The following MUSK variants were observed in gnomAD, a reference collection of about 807,000 sequenced individuals.
MUSK encodes the protein muscle, skeletal receptor tyrosine-protein kinase.
Under a neutral mutation model 88.7 loss-of-function variants are expected in MUSK, and 55 were observed. That is an observed-to-expected ratio of 0.62 (90% CI 0.50 to 0.78). The LOEUF is 0.78. Among genes scored for constraint, MUSK ranks in the 30% least tolerant of loss-of-function variants. The probability of loss-of-function intolerance (pLI) is 0.00; values close to 1 mark genes in which losing one functional copy is unlikely to be tolerated. For missense variants in MUSK, 1,015 were observed against 1,074.3 expected (o/e 0.94, Z 0.77); for synonymous variants, 387 against 391.9 (o/e 0.99, Z 0.15).
intron 3 of MUSK, among the ~76,000 whole-genome samples, chr9:110,689,953 T>A (rs1350215767): frequency 1.3e-5 from 1 of 77,984 alleles, no homozygotes; most frequent in Non-Finnish European, 2.3e-5. Flanking sequence ...TATTTAAATA[T>A]AAATATATAT....
At chr9:110,696,980 C>T (rs1397201045) in intron 4 of MUSK, among the ~76,000 whole-genome samples, 2 of 150,314 alleles carry the variant, frequency 1.3e-5, no homozygotes, top group East Asian at 1.9e-4. Flanking sequence ...AAAAGCAATG[C>T]TTTTAATCAG....
intron 6 of MUSK, among the ~76,000 whole-genome samples, chr9:110,737,838 C>T (rs1369951572): frequency 3.3e-5 from 5 of 152,034 alleles, no homozygotes; most frequent in African/African-American, 1.2e-4. Flanking sequence ...ATAGGGGGCC[C>T]TATTTTATCT....
intron 8 of MUSK, among the ~76,000 whole-genome samples, chr9:110,764,050 G>T (rs2077438911): frequency 6.6e-6 from 1 of 152,168 alleles, no homozygotes; most frequent in Non-Finnish European, 1.5e-5. Context: ...TTCTGAAAGA[G>T]AAGTCAACTG....
chr9:110,724,390 G>A (rs1282768398), intron 5 of MUSK, among the ~76,000 whole-genome samples: 1 of 151,796 alleles, frequency 6.6e-6, no homozygotes, highest in Non-Finnish European at 1.5e-5. Flanking sequence ...AATTTTGGGG[G>A]TTGCCCTCTA....
In MUSK at chr9:110,713,168, A is replaced by G. The variant is rs140752170; in HGVS notation, c.628+15702A>G. On this transcript the variant is annotated intron_variant, in intron 5 of 14. Transcript: ENST00000374448. Reference sequence around the variant, plus strand: ...GATTAGAGAGTTTGGGACAGTATCTATTAGTGGTGCTATAAAAACAGAATA... The same window carrying G: ...GATTAGAGAGTTTGGGACAGTATCTGTTAGTGGTGCTATAAAAACAGAATA... Among the ~76,000 whole-genome samples, 335 of 152,266 alleles carry G rather than the reference A, an allele frequency of 2.2e-3. 3 individuals are homozygous for G. Among genetic ancestry groups the G allele is most frequent in the African/African-American group, 7.6e-3 (315 of 41,554 alleles).
chr9:110,785,492 G>A (rs773623969), intron 12 of MUSK, 35 bp from the exon 13 acceptor site: 1 of 1,522,976 alleles, frequency 6.6e-7, no homozygotes, highest in South Asian at 1.4e-5. Context: ...ACCTGCTTCT[G>A]AGCTCATTCC....
In MUSK at chr9:110,785,623, G is replaced by A. The variant is rs192173278; in HGVS notation, c.1683G>A (p.Leu561=). The change falls in exon 13 of 15, where the codon CTG becomes CTA. Residue 561 remains leucine (L), a synonymous_variant. Transcript: ENST00000374448. ...TGTACCAGAGGATGCCGCTCCTTCT[G>A]AACCCCAAATTGCTCAGCCTGGAGT... ...NPMYQRMPLL[L]NPKLLSLEYP... is the part of the protein sequence containing the mutation. The A allele has an allele frequency of 8.2e-4, 1,318 of 1,613,300 alleles. No individual in the cohort carries two copies. Among genetic ancestry groups the A allele is most frequent in the Non-Finnish European group, 5.5e-4 (648 of 1,179,616 alleles).
intron 7 of MUSK, among the ~76,000 whole-genome samples, chr9:110,758,574 A>G (rs893594273): frequency 1.3e-5 from 2 of 152,194 alleles, no homozygotes; most frequent in African/African-American, 4.8e-5. Flanking sequence ...GGCCATAGCA[A>G]TCAGATAAGG....
intron 5 of MUSK, chr9:110,728,793 T>G: frequency 8.3e-7 from 1 of 1,199,816 alleles, no homozygotes; most frequent in Non-Finnish European, 1.1e-6. Flanking sequence ...GTTGACCTTA[T>G]AAACAGCTCT....
At chr9:110,767,462 G>A (rs1361412052) in intron 8 of MUSK, among the ~76,000 whole-genome samples, 1 of 152,218 alleles carries the variant, frequency 6.6e-6, no homozygotes, top group Non-Finnish European at 1.5e-5. Context: ...CCATCATGAT[G>A]AAATGTCTTC....
intron 1 of MUSK, among the ~76,000 whole-genome samples, chr9:110,671,158 G>C (rs1050248031): frequency 6.6e-6 from 1 of 152,020 alleles, no homozygotes; most frequent in African/African-American, 2.4e-5. Context: ...TTTTAGTAGA[G>C]ACAGGGTTTC....
chr9:110,678,890 G>T (rs1215516575), intron 1 of MUSK, among the ~76,000 whole-genome samples: 1 of 74,242 alleles, frequency 1.3e-5, no homozygotes, highest in Non-Finnish European at 2.7e-5. Context: ...ACAGGATTGG[G>T]ATTTTTTGTT....
chr9:110,704,624 T>C (rs554257718), intron 5 of MUSK, among the ~76,000 whole-genome samples: 3 of 152,310 alleles, frequency 2.0e-5, no homozygotes, highest in African/African-American at 7.2e-5. Context: ...TAAAGAACAG[T>C]ATATCTTATT....
intron 7 of MUSK, 161 bp from the exon 8 acceptor site, chr9:110,762,041 G>A: frequency 2.6e-6 from 2 of 779,210 alleles, no homozygotes; most frequent in Non-Finnish European, 3.1e-6. Flanking sequence ...GCCCATTAAT[G>A]CAGCATCTGG....
chr9:110,782,633 T>G (rs1190542595), intron 11 of MUSK, among the ~76,000 whole-genome samples: 1 of 152,192 alleles, frequency 6.6e-6, no homozygotes, highest in Non-Finnish European at 1.5e-5. Context: ...TAGTTATTTC[T>G]CCCTATCTTT....
chr9:110,706,185 T>C (rs777187110), intron 5 of MUSK: 1 of 467,274 alleles, frequency 2.1e-6, no homozygotes, highest in Non-Finnish European at 4.4e-6. Context: ...CAAAAATAAA[T>C]CAACCATATT....
Position 110,802,866 on chromosome 9 carries a change from A to G in MUSK, c.*1878A>G, listed in dbSNP as rs998815129. Among the ~76,000 whole-genome samples the G allele has an allele frequency of 6.6e-6, 1 of 152,176 alleles. No individual in the cohort carries two copies. The highest frequency in any genetic ancestry group is 1.5e-5 in the Non-Finnish European group (1 of 68,030). On this transcript the variant is annotated 3_prime_UTR_variant, in exon 15 of 15. Coordinates refer to ENST00000374448, the MANE Select transcript of MUSK (RefSeq NM_005592.4). ...AGGTCAGCATTTAGGACTGAGACCTAAAGAAGTGCTTCAGATAAAAATCAT... is the reference window on the plus strand; with the variant it reads ...AGGTCAGCATTTAGGACTGAGACCTGAAGAAGTGCTTCAGATAAAAATCAT...
At chr9:110,741,080 C>T (rs2077091537) in intron 6 of MUSK, among the ~76,000 whole-genome samples, 1 of 152,030 alleles carries the variant, frequency 6.6e-6, no homozygotes, top group African/African-American at 2.4e-5. Context: ...GTGACTACAG[C>T]TAACAACACT....
chr9:110,670,263 CTT>C (rs1398874917), intron 1 of MUSK, among the ~76,000 whole-genome samples: 9 of 152,154 alleles, frequency 5.9e-5, no homozygotes, highest in African/African-American at 2.2e-4. Flanking sequence ...GTCAGAAAGA[CTT>C]AACATTGGCT....
Sources: gnomAD v4.1 joint callset for allele counts (sites outside exome capture counted in the v4.1 genomes callset) on GRCh38, gnomAD v4.1.1 for gene constraint, MANE v1.5 for transcripts, NCBI Gene and HGNC (gene_info 2026-07-23, HGNC 2026-07-21) for gene names.